Variants in SGCD observed in about 807,000 individuals in gnomAD.
The protein encoded by SGCD is sarcoglycan delta.
SGCD carries 18 observed loss-of-function variants against 36.6 expected under a neutral mutation model. That is an observed-to-expected ratio of 0.49 (90% CI 0.34 to 0.73). The LOEUF (loss-of-function observed/expected upper bound fraction) is 0.73, where lower values mean the gene tolerates loss of function less well. Among genes scored for constraint, SGCD ranks in the 30% least tolerant of loss-of-function variants. The pLI is 0.01. For missense variants in SGCD, 387 were observed against 346.7 expected (o/e 1.12, Z -0.92); for synonymous variants, 133 against 130.6 (o/e 1.02, Z -0.12).
chr5:156,642,384 A>G (rs556304790), intron 6 of SGCD, among the ~76,000 whole-genome samples: 9 of 151,556 alleles, frequency 5.9e-5, no homozygotes, highest in Non-Finnish European at 8.8e-5. Context: ...AGGCTCTGCA[A>G]TCCCTGAGCC....
intron 8 of SGCD, 119 bp downstream of exon 8, chr5:156,757,823 G>A (rs1039421112): frequency 7.3e-7 from 1 of 1,361,306 alleles, no homozygotes; most frequent in Non-Finnish European, 9.5e-7. Context: ...AGCCAAGCAG[G>A]TTTTATTTCT....
intron 3 of SGCD, among the ~76,000 whole-genome samples, chr5:156,412,821 C>T (rs985425183): frequency 7.4e-6 from 1 of 134,704 alleles, no homozygotes; most frequent in African/African-American, 2.8e-5. Context: ...CGGAGTCTCG[C>T]TCTGTCGCCC....
intron 3 of SGCD, among the ~76,000 whole-genome samples, chr5:156,435,580 G>A (rs1473773596): frequency 6.6e-6 from 1 of 152,080 alleles, no homozygotes; most frequent in Non-Finnish European, 1.5e-5. Flanking sequence ...GCTACATCAG[G>A]GGCTAAAATT....
chr5:156,213,888 T>G (rs1464250613), intron 3 of SGCD, among the ~76,000 whole-genome samples: 1 of 151,946 alleles, frequency 6.6e-6, no homozygotes, highest in African/African-American at 2.4e-5. Context: ...CTCGATAGAT[T>G]TGACATAATT....
chr5:156,405,221 CT>C (rs1772344548), intron 3 of SGCD, among the ~76,000 whole-genome samples: 1 of 152,160 alleles, frequency 6.6e-6, no homozygotes. Context: ...TGATTTCAAC[CT>C]TGTAAGACCC....
At chr5:155,911,293 A>ATG (rs371986965) in intron 1 of SGCD, among the ~76,000 whole-genome samples, 5,063 of 141,534 alleles carry the variant, frequency 0.036, 324 homozygotes, top group African/African-American at 0.12. Context: ...AGTATAGTAT[A>ATG]TGTGTGTGTG....
chr5:156,137,450 A>G (rs906115861), intron 3 of SGCD, among the ~76,000 whole-genome samples: 4 of 152,170 alleles, frequency 2.6e-5, no homozygotes, highest in African/African-American at 9.7e-5. Context: ...ACTCAGTGGG[A>G]ACATATTCCA....
chr5:155,883,793 C>CAAAAAAAAAAAAAA (rs34250962), intron 1 of SGCD, among the ~76,000 whole-genome samples: 2 of 83,520 alleles, frequency 2.4e-5, no homozygotes, highest in African/African-American at 4.9e-5. Flanking sequence ...CTTCAATTTG[C>CAAAAAAAAAAAAAA]AAAAAAAAAA....
At chr5:156,209,928 T>G (rs1341961608) in intron 3 of SGCD, among the ~76,000 whole-genome samples, 1 of 152,176 alleles carries the variant, frequency 6.6e-6, no homozygotes, top group Non-Finnish European at 1.5e-5. Context: ...CAGTGCACAA[T>G]GGGCTCAGAT....
the SGCD span, among the ~76,000 whole-genome samples, chr5:155,832,857 C>A: frequency 6.6e-6 from 1 of 151,410 alleles, no homozygotes; most frequent in East Asian, 1.9e-4. Context: ...TTATATGTAC[C>A]TTTTCAGCCA....
chr5:156,153,232 A>T (rs138841062), intron 3 of SGCD, among the ~76,000 whole-genome samples: 33 of 151,312 alleles, frequency 2.2e-4, no homozygotes, highest in Middle Eastern at 3.4e-3. Context: ...AACTTTCAAA[A>T]TCAAGTGAGT....
intron 2 of SGCD, among the ~76,000 whole-genome samples, chr5:156,344,072 G>A (rs529813076): frequency 2.6e-5 from 4 of 152,092 alleles, no homozygotes; most frequent in Non-Finnish European, 5.9e-5. Flanking sequence ...TAAATTGCCT[G>A]AATAATATTT....
intron 3 of SGCD, among the ~76,000 whole-genome samples, chr5:156,458,109 C>T (rs1248335604): frequency 1.3e-5 from 2 of 152,176 alleles, no homozygotes; most frequent in Non-Finnish European, 2.9e-5. Context: ...AGCCCAGCAG[C>T]TCTGATCCCC....
At chr5:156,559,882 A>G (rs1759198635) in intron 4 of SGCD, among the ~76,000 whole-genome samples, 1 of 152,226 alleles carries the variant, frequency 6.6e-6, no homozygotes, top group South Asian at 2.1e-4. Flanking sequence ...CACTGCATTT[A>G]TTCTAAAGCA....
At position 156,234,246 on chromosome 5, in the gene SGCD, G is replaced by A. The variant is rs78284268; in HGVS notation, c.-43-95288G>A. Among the ~76,000 whole-genome samples, 593 of 152,052 alleles carry A rather than the reference G, an allele frequency of 3.9e-3. 4 individuals carry two copies. Among genetic ancestry groups the A allele is most frequent in the Middle Eastern group, 6.8e-3 (2 of 294 alleles). On this transcript the variant is annotated intron_variant, in intron 3 of 9. Coordinates refer to the SGCD transcript ENST00000517913. ...TTGGGTTGTCTATCTTTTTATTATT[G>A]AGTTTTAAGGGTTCTTTGTATATGT...
intron 6 of SGCD, among the ~76,000 whole-genome samples, chr5:156,620,386 A>T: frequency 6.6e-6 from 1 of 152,160 alleles, no homozygotes; most frequent in South Asian, 2.1e-4. Context: ...AAAAGTTCTC[A>T]AATAAGTTAT....
At chr5:156,652,160 G>A (rs1290207101) in intron 7 of SGCD, among the ~76,000 whole-genome samples, 1 of 151,956 alleles carries the variant, frequency 6.6e-6, no homozygotes, top group South Asian at 2.1e-4. Context: ...CCTTTTGGTA[G>A]AGTCTTTAGG....
intron 3 of SGCD, among the ~76,000 whole-genome samples, chr5:156,439,855 T>C (rs959180190): frequency 6.6e-6 from 1 of 152,148 alleles, no homozygotes; most frequent in African/African-American, 2.4e-5. Context: ...TATCAGATTG[T>C]TGTGGAAAAA....
chr5:156,068,467 G>A (rs575150807), intron 1 of SGCD, among the ~76,000 whole-genome samples: 1 of 151,914 alleles, frequency 6.6e-6, no homozygotes, highest in Non-Finnish European at 1.5e-5. Context: ...ATTTTTTATG[G>A]CTGCATAGTA....
Sources: gnomAD v4.1 joint callset for allele counts (sites outside exome capture counted in the v4.1 genomes callset) on GRCh38, gnomAD v4.1.1 for gene constraint, MANE v1.5 for transcripts, NCBI Gene and HGNC (gene_info 2026-07-23, HGNC 2026-07-21) for gene names.